Variants in FRAS1 observed in about 807,000 individuals in gnomAD.
FRAS1 encodes the protein Fraser extracellular matrix complex subunit 1, also known as extracellular matrix organizing protein FRAS1.
In FRAS1, 290 loss-of-function variants were observed where a neutral mutation model predicts 435.2. The observed-to-expected ratio is 0.67, with a 90% CI of 0.61 to 0.73. The LOEUF (loss-of-function observed/expected upper bound fraction) is 0.73. Among genes scored for constraint, FRAS1 ranks in the 30% least tolerant of loss-of-function variants. The pLI is 0.00. For synonymous variants in FRAS1, 1,800 were observed against 1,851.0 expected (o/e 0.97, Z 0.71); for missense variants, 4,860 against 5,001.5 (o/e 0.97, Z 0.85).
chr4:78,087,968 G>A (rs1741287169), intron 2 of FRAS1, among the ~76,000 whole-genome samples: 2 of 152,134 alleles, frequency 1.3e-5, no homozygotes, highest in Admixed American at 1.3e-4. Context: ...TCATTGCCAA[G>A]TCAATCCTAA....
intron 21 of FRAS1, 81 bp downstream of exon 21, chr4:78,363,746 C>T: frequency 6.7e-7 from 1 of 1,485,942 alleles, no homozygotes; most frequent in East Asian, 2.5e-5. Flanking sequence ...TCAACCTTTC[C>T]TAAGAGAGAG....
chr4:78,247,296 CAT>C (rs1560601539), intron 4 of FRAS1, among the ~76,000 whole-genome samples: 1 of 152,076 alleles, frequency 6.6e-6, no homozygotes, highest in Non-Finnish European at 1.5e-5. Context: ...GTTGCTTTTC[CAT>C]ATGTGTCTTT....
At chr4:78,083,626 G>GTTTTTTTTTTTTTTTTTTTT (rs35633131) in intron 2 of FRAS1, among the ~76,000 whole-genome samples, 1 of 108,304 alleles carries the variant, frequency 9.2e-6, no homozygotes, top group Admixed American at 1.1e-4. Context: ...TGCAAGTTCT[G>GTTTTTTTTTTTTTTTTTTTT]TTTTTTTTTT....
In FRAS1 at chr4:78,337,869, C is replaced by T. The variant is rs369187765; in HGVS notation, c.2422+52C>T. On this transcript the variant is annotated intron_variant, in intron 20 of 73. Transcript: ENST00000512123. ...GGAAATCACTGGGCAGCTGCCGGGG[C>T]TCTTCATACCAGGCTTAAGGGGGCT... The T allele has an allele frequency of 8.5e-5, 136 of 1,594,054 alleles. No homozygotes were observed. In the African/African-American group the frequency reaches 1.7e-3, roughly 20 times the overall value.
At chr4:78,438,741 T>A (rs545066065) in intron 39 of FRAS1, 23 bp downstream of exon 39, 2 of 1,557,308 alleles carry the variant, frequency 1.3e-6, no homozygotes, top group Non-Finnish European at 1.7e-6. Flanking sequence ...TTTGTATTAT[T>A]TGACAGATTC....
At position 78,499,720 on chromosome 4, in the gene FRAS1, G is replaced by T; in HGVS notation, c.9116-1G>T. ...TTGTTTTCCTAACCATATTTCCTTA[G>T]CCCCCACCATTGAGTTTGAAGAAGC... On this transcript the variant is annotated splice_acceptor_variant, in intron 60 of 73. Coordinates refer to ENST00000512123, the MANE Select transcript of FRAS1 (RefSeq NM_025074.7). LOFTEE classifies it high-confidence loss of function. 1 of 1,613,120 alleles carries T rather than the reference G, an allele frequency of 6.2e-7. No homozygotes were observed. The highest frequency in any genetic ancestry group is 8.5e-7 in the Non-Finnish European group (1 of 1,179,428).
rs577756899 is a variant in FRAS1 at position 78,443,647 on chromosome 4, T to C, written c.5666-1875T>C. On this transcript the variant is annotated intron_variant, in intron 41 of 73. Transcript: ENST00000512123. ...CATCAACACCTATTTAATTTGCACA[T>C]CATATGTTCTGTTTAAGAAAGCAGG... 9.8e-5 allele frequency among the ~76,000 whole-genome samples: 15 copies of C among 152,336 alleles called. No individual in the cohort carries two copies. In the South Asian group the frequency reaches 1.0e-3, roughly 11 times the overall value.
Position 78,482,379 on chromosome 4 carries a change from C to A in FRAS1, c.8605-9C>A. ...TCCTCTGTCAAGTTTGCTTTGGTTTCTCTTCTAGTATTGCACCTTGACTAT... is the reference window on the plus strand; with the variant it reads ...TCCTCTGTCAAGTTTGCTTTGGTTTATCTTCTAGTATTGCACCTTGACTAT... On this transcript the variant is annotated splice_polypyrimidine_tract_variant and intron_variant, in intron 57 of 73. Coordinates refer to ENST00000512123, the MANE Select transcript of FRAS1 (RefSeq NM_025074.7). The A allele has an allele frequency of 6.2e-7, 1 of 1,613,750 alleles. No individual in the cohort carries two copies.
chr4:78,531,587 C>T (rs769835872), intron 70 of FRAS1, among the ~76,000 whole-genome samples: 2 of 152,066 alleles, frequency 1.3e-5, no homozygotes, highest in Non-Finnish European at 2.9e-5. Context: ...TTCTTCCTCT[C>T]GCCTATTTTA....
intron 18 of FRAS1, among the ~76,000 whole-genome samples, chr4:78,327,501 AAT>A (rs1729767777): frequency 6.6e-6 from 1 of 152,216 alleles, no homozygotes; most frequent in South Asian, 2.1e-4. Flanking sequence ...AATGAATAAA[AAT>A]TGATAAGTTT....
Position 78,540,948 on chromosome 4 carries a change from C to A in FRAS1, c.11863C>A (p.Pro3955Thr). 6.2e-7 allele frequency: 1 copy of A among 1,613,866 alleles called. No homozygotes were observed. The change falls in exon 74 of 74, where the codon CCC (proline) becomes ACC (threonine). Residue 3955 changes from proline to threonine, a missense_variant. Transcript: ENST00000512123. ...TCCTCTGAATACCAAGGTAGAAGTG[C>A]CCAAGAGGCACCCGGACCGGGTGGA... ...EYPLNTKVEV[P>T]KRHPDRVEKN...
chr4:78,112,633 TA>T (rs1742808604), intron 2 of FRAS1, among the ~76,000 whole-genome samples: 1 of 152,110 alleles, frequency 6.6e-6, no homozygotes, highest in Non-Finnish European at 1.5e-5. Flanking sequence ...ACGGATTTTG[TA>T]CATGGCTACT....
At chr4:78,199,025 A>G (rs1302746197) in intron 2 of FRAS1, among the ~76,000 whole-genome samples, 1 of 152,198 alleles carries the variant, frequency 6.6e-6, no homozygotes, top group Non-Finnish European at 1.5e-5. Context: ...GATTTTTGAC[A>G]GTGCAGGTGT....
chr4:78,122,324 G>A (rs1420520645), intron 2 of FRAS1, among the ~76,000 whole-genome samples: 2 of 152,134 alleles, frequency 1.3e-5, no homozygotes, highest in Admixed American at 6.5e-5. Context: ...TTTTATGGCT[G>A]CATAGTATTC....
intron 2 of FRAS1, among the ~76,000 whole-genome samples, chr4:78,207,153 G>A (rs1276701416): frequency 6.6e-6 from 1 of 152,210 alleles, no homozygotes; most frequent in Non-Finnish European, 1.5e-5. Context: ...CACCCATTAA[G>A]CCTTGTAATA....
At chr4:78,389,080 A>T (rs56043018) in intron 29 of FRAS1, among the ~76,000 whole-genome samples, 18,539 of 152,178 alleles carry the variant, frequency 0.12, 1,302 homozygotes, top group East Asian at 0.32. Flanking sequence ...GTTCTTGGAC[A>T]CTGCAAATGA....
chr4:78,208,455 G>A (rs555406532), intron 2 of FRAS1, among the ~76,000 whole-genome samples: 95 of 152,196 alleles, frequency 6.2e-4, no homozygotes, highest in Non-Finnish European at 1.0e-3. Context: ...TCTGTGAATC[G>A]CCAGAAAAAG....
At chr4:78,534,357 C>A in intron 70 of FRAS1, 92 bp from the exon 71 acceptor site, 1 of 1,009,802 alleles carries the variant, frequency 9.9e-7, no homozygotes, top group Admixed American at 2.0e-5. Context: ...TGTGTACAAT[C>A]CTGTGGAGGG....
At position 78,374,175 on chromosome 4, in the gene FRAS1, T is replaced by G. The variant is rs758708842; in HGVS notation, c.3075T>G (p.Phe1025Leu). 1.2e-5 allele frequency: 19 copies of G among 1,606,642 alleles called. No homozygotes were observed. In the East Asian group the frequency reaches 4.0e-4, roughly 34 times the overall value. ...PHECTRCKGP[F>L]LLLEAQCVQE... ...AGTGTACCCGCTGCAAAGGGCCATT[T>G]CTCCTCTTGGAAGCCCAGTGTGTCC... Residue 1025 changes from phenylalanine (F) to leucine (L), a missense_variant, in exon 25 of 74, where the codon TTT becomes TTG. By Grantham distance (22) the Phe-to-Leu change is conservative. Transcript: ENST00000512123.
Sources: allele counts gnomAD v4.1 joint callset (sites outside exome capture counted in the v4.1 genomes callset), GRCh38; gene constraint gnomAD v4.1.1; transcripts MANE v1.5; gene names NCBI Gene and HGNC (gene_info 2026-07-23, HGNC 2026-07-21).